SND1: variants seen among roughly 807,000 people sequenced by gnomAD.
SND1 encodes staphylococcal nuclease domain-containing protein 1.
In SND1, 38 loss-of-function variants were observed where a neutral mutation model predicts 121.7. The ratio of observed to expected loss-of-function variants is 0.31; its 90% CI spans 0.24 to 0.41. SND1 has a LOEUF of 0.41. Ranked by LOEUF, SND1 falls within the 10% of genes least tolerant of loss-of-function variation. The probability of loss-of-function intolerance (pLI) is 1.00; values close to 1 mark genes in which losing one functional copy is unlikely to be tolerated. For synonymous variants in SND1, 401 were observed against 447.4 expected, an observed-to-expected ratio of 0.90 and a Z score of 1.31; for missense variants, 868 against 1,184.6, an observed-to-expected ratio of 0.73 and a Z score of 3.92.
intron 11 of SND1, among the ~76,000 whole-genome samples, chr7:127,842,636 C>T (rs1018687094): frequency 6.6e-6 from 1 of 152,072 alleles, no homozygotes; most frequent in African/African-American, 2.4e-5. Context: ...TTCCAAGCAT[C>T]TTTGTAATTG....
At chr7:127,662,413 T>G (rs1016204700) in intron 1 of SND1, among the ~76,000 whole-genome samples, 1 of 152,178 alleles carries the variant, frequency 6.6e-6, no homozygotes, top group African/African-American at 2.4e-5. Context: ...TCTGTTGATA[T>G]ATGTTGTTTT....
intron 1 of SND1, among the ~76,000 whole-genome samples, chr7:127,673,570 C>T (rs1425456836): frequency 6.6e-6 from 1 of 152,182 alleles, no homozygotes; most frequent in Admixed American, 6.5e-5. Context: ...CCTCAGCCTC[C>T]CAAAGTCCTG....
chr7:128,056,366 A>G (rs1793142238), intron 16 of SND1, among the ~76,000 whole-genome samples: 1 of 152,248 alleles, frequency 6.6e-6, no homozygotes, highest in Non-Finnish European at 1.5e-5. Flanking sequence ...ACTATATGCC[A>G]TGGACTGCAT....
chr7:127,846,866 C>G (rs1257885871), intron 12 of SND1, among the ~76,000 whole-genome samples: 1 of 152,164 alleles, frequency 6.6e-6, no homozygotes, highest in African/African-American at 2.4e-5. Context: ...GCAAATAGAC[C>G]TAGCTGCACA....
chr7:127,874,116 C>T (rs1799646394), intron 12 of SND1, among the ~76,000 whole-genome samples: 1 of 152,022 alleles, frequency 6.6e-6, no homozygotes, highest in African/African-American at 2.4e-5. Context: ...TTGACTCTTC[C>T]CTCTATTTTG....
chr7:127,812,023 T>G (rs1321343571), intron 11 of SND1, among the ~76,000 whole-genome samples: 1 of 152,174 alleles, frequency 6.6e-6, no homozygotes, highest in African/African-American at 2.4e-5. Flanking sequence ...ACTTTTAATT[T>G]TTGCCTCCAC....
At chr7:127,756,475 G>T (rs892505402) in intron 10 of SND1, among the ~76,000 whole-genome samples, 1 of 152,190 alleles carries the variant, frequency 6.6e-6, no homozygotes, top group Non-Finnish European at 1.5e-5. Flanking sequence ...AATATGGTGG[G>T]GGTATGTTTT....
intron 16 of SND1, among the ~76,000 whole-genome samples, chr7:128,043,062 C>T (rs1403649835): frequency 3.3e-5 from 5 of 152,188 alleles, no homozygotes; most frequent in South Asian, 2.1e-4. Flanking sequence ...ATCACTGGCA[C>T]GTGAATGGCA....
intron 4 of SND1, 140 bp from the exon 5 acceptor site, chr7:127,701,023 C>T (rs139537980): frequency 1.2e-6 from 1 of 854,788 alleles, no homozygotes; most frequent in East Asian, 2.5e-5. Context: ...TGGTTATAGG[C>T]TTGGGTCTTA....
At chr7:128,079,851 C>G (rs1159451317) in intron 17 of SND1, among the ~76,000 whole-genome samples, 4 of 152,302 alleles carry the variant, frequency 2.6e-5, no homozygotes, top group Middle Eastern at 3.4e-3. Flanking sequence ...CCTCATCTCC[C>G]TCCCCACCCC....
chr7:127,873,986 C>T (rs530853748), intron 12 of SND1, among the ~76,000 whole-genome samples: 6 of 152,242 alleles, frequency 3.9e-5, no homozygotes, highest in African/African-American at 1.4e-4. Flanking sequence ...AGATGGAGAA[C>T]AGGGCTCCTG....
chr7:127,802,495 T>C (rs1798152516), intron 10 of SND1, among the ~76,000 whole-genome samples: 2 of 152,306 alleles, frequency 1.3e-5, no homozygotes, highest in East Asian at 1.9e-4. Flanking sequence ...TTTGACACAG[T>C]TGATCATTCC....
chr7:127,799,600 C>G (rs1409077458), intron 10 of SND1, among the ~76,000 whole-genome samples: 1 of 152,184 alleles, frequency 6.6e-6, no homozygotes, highest in African/African-American at 2.4e-5. Flanking sequence ...TAACCTCACA[C>G]CTGTACATTT....
chr7:127,913,878 A>G (rs1191593130), intron 14 of SND1, among the ~76,000 whole-genome samples: 1 of 152,184 alleles, frequency 6.6e-6, no homozygotes, highest in Non-Finnish European at 1.5e-5. Flanking sequence ...ACTAACATAG[A>G]CATTCTGCTT....
intron 2 of SND1, 135 bp from the exon 3 acceptor site, chr7:127,694,693 T>C: frequency 2.0e-6 from 2 of 993,360 alleles, no homozygotes; most frequent in Non-Finnish European, 3.0e-6. Flanking sequence ...TTCATTTTTA[T>C]ATTCTCAAGG....
At chr7:127,911,745 C>T (rs1239059441) in intron 14 of SND1, among the ~76,000 whole-genome samples, 2 of 152,082 alleles carry the variant, frequency 1.3e-5, no homozygotes, top group Non-Finnish European at 2.9e-5. Flanking sequence ...CATGATCTGC[C>T]CACCTTGGCC....
rs1455259731 is a variant in SND1 at position 127,773,446 on chromosome 7, C to T, written c.1153-34038C>T. Among the ~76,000 whole-genome samples, 8 of 146,728 alleles carry T rather than the reference C, an allele frequency of 5.5e-5. No homozygotes were observed. The South Asian group carries it at 6.4e-4, about 12-fold the overall frequency. On this transcript the variant is annotated intron_variant, in intron 10 of 23. Coordinates refer to ENST00000354725, the MANE Select transcript of SND1 (RefSeq NM_014390.4). ...TAGCCTGGGTGACACAGCAAGACTC[C>T]GTCTCAAAAAAAAAAAAAAATTCTT...
At chr7:127,802,753 G>A (rs1306915491) in intron 10 of SND1, among the ~76,000 whole-genome samples, 2 of 152,148 alleles carry the variant, frequency 1.3e-5, no homozygotes, top group East Asian at 1.9e-4. Context: ...AGCTTAGCAT[G>A]TCTCCTGATC....
At chr7:127,720,141 C>A (rs1019306002) in intron 9 of SND1, among the ~76,000 whole-genome samples, 2 of 152,106 alleles carry the variant, frequency 1.3e-5, no homozygotes, top group Admixed American at 1.3e-4. Flanking sequence ...GTTAGAGAGG[C>A]CTCCTTTAAG....
Sources: allele counts gnomAD v4.1 joint callset (sites outside exome capture counted in the v4.1 genomes callset), GRCh38; gene constraint gnomAD v4.1.1; transcripts MANE v1.5; gene names NCBI Gene and HGNC (gene_info 2026-07-23, HGNC 2026-07-21).